SCAI: variants seen among roughly 807,000 people sequenced by gnomAD.
SCAI encodes suppressor of cancer cell invasion.
In SCAI, 24 loss-of-function variants were observed where a neutral mutation model predicts 92.2. That is an observed-to-expected ratio of 0.26 (90% confidence interval 0.19 to 0.37). The LOEUF is 0.37. SCAI is among the 10% of genes least tolerant of loss of function. SCAI has a pLI of 1.00. For synonymous variants in SCAI, 261 were observed against 258.6 expected (o/e 1.01, Z -0.09); for missense variants, 450 against 736.2 (o/e 0.61, Z 4.50).
chr9:124,979,426 G>C (rs1230838304), intron 14 of SCAI, among the ~76,000 whole-genome samples: 2 of 151,790 alleles, frequency 1.3e-5, no homozygotes, highest in Non-Finnish European at 2.9e-5. Context: ...TGTAATCCCA[G>C]CTACTAGGTA....
rs10554292 is a variant in SCAI, at chr9:125,125,909, T to TACACACACACACAC, written c.98+16710_98+16723dup. On this transcript the variant is annotated intron_variant, in intron 2 of 17. Coordinates refer to ENST00000336505, the MANE Select transcript of SCAI (RefSeq NM_001144877.3). The stretch of plus-strand genomic sequence containing the variant: ...TCTCTCATGCATGCGTGCGTACACG[T>TACACACACACACAC]ACACACACACACACACACACACACA... 9.0e-3 allele frequency among the ~76,000 whole-genome samples: 1,246 copies of TACACACACACACAC among 137,960 alleles called. 10 individuals are homozygous for TACACACACACACAC. The highest frequency in any genetic ancestry group is 0.019 in the African/African-American group (691 of 36,754). 90.5% of individuals were successfully genotyped at this position (137,960 alleles called of 152,430 possible). A position where few individuals can be genotyped will look rare whatever the true frequency, so the allele number is the denominator to read the frequency against.
At chr9:125,120,644 G>C (rs947610745) in intron 2 of SCAI, among the ~76,000 whole-genome samples, 1 of 152,122 alleles carries the variant, frequency 6.6e-6, no homozygotes, top group Admixed American at 6.6e-5. Flanking sequence ...AGTGAACTGA[G>C]ATCGCACCAC....
chr9:125,142,482 C>A, intron 2 of SCAI, 151 bp downstream of exon 2: 1 of 600,270 alleles, frequency 1.7e-6, no homozygotes, highest in Non-Finnish European at 2.9e-6. Flanking sequence ...TTGAAGTCCT[C>A]AAAAGAAAAA....
At chr9:124,965,575 C>T (rs577574881) in intron 17 of SCAI, among the ~76,000 whole-genome samples, 4 of 152,284 alleles carry the variant, frequency 2.6e-5, no homozygotes, top group East Asian at 1.9e-4. Flanking sequence ...TACATAAACG[C>T]TACATTTTCA....
chr9:125,064,727 C>T (rs1833842417), intron 2 of SCAI, among the ~76,000 whole-genome samples: 1 of 151,784 alleles, frequency 6.6e-6, no homozygotes, highest in Non-Finnish European at 1.5e-5. Flanking sequence ...GTGCCTGTAA[C>T]CCCAGCTACT....
At chr9:125,089,083 C>A (rs1834378531) in intron 2 of SCAI, among the ~76,000 whole-genome samples, 1 of 152,156 alleles carries the variant, frequency 6.6e-6, no homozygotes, top group African/African-American at 2.4e-5. Context: ...CATTCCCAAC[C>A]CTACAAAACA....
chr9:124,960,344 T>G (rs1385681224), intron 17 of SCAI, among the ~76,000 whole-genome samples: 1 of 152,176 alleles, frequency 6.6e-6, no homozygotes, highest in Non-Finnish European at 1.5e-5. Flanking sequence ...ACGCCCCAGC[T>G]TTGGCCTCCT....
intron 3 of SCAI, among the ~76,000 whole-genome samples, chr9:125,049,136 A>G (rs1318165849): frequency 7.1e-6 from 1 of 141,020 alleles, no homozygotes. Flanking sequence ...AAAAATATAC[A>G]TATACACACA....
intron 2 of SCAI, among the ~76,000 whole-genome samples, chr9:125,103,563 C>G (rs1834719970): frequency 6.6e-6 from 1 of 152,216 alleles, no homozygotes; most frequent in Non-Finnish European, 1.5e-5. Flanking sequence ...TGCCCCTCAA[C>G]AAGCGGTCCT....
At chr9:125,089,731 G>T (rs902504171) in intron 2 of SCAI, among the ~76,000 whole-genome samples, 1 of 151,980 alleles carries the variant, frequency 6.6e-6, no homozygotes, top group Non-Finnish European at 1.5e-5. Flanking sequence ...GAAAGACAGG[G>T]TCTCACTCTG....
At chr9:125,066,173 C>T (rs2131153657) in intron 2 of SCAI, 1 of 540,440 alleles carries the variant, frequency 1.9e-6, no homozygotes, top group South Asian at 2.9e-5. Flanking sequence ...TCAGAATTAA[C>T]CAGTGGGTTT....
Position 124,948,293 on chromosome 9 carries a change from C to T in SCAI, c.*4514G>A, listed in dbSNP as rs916294661. On this transcript the variant is annotated 3_prime_UTR_variant, in exon 18 of 18. Coordinates refer to ENST00000336505, the MANE Select transcript of SCAI (RefSeq NM_001144877.3). ...GCACTTTGCTTCTGAAATCCTGAAA[C>T]GTTTCAATTTGGTAAAAATAAAGAG... 9 of 152,082 alleles carry T rather than the reference C, an allele frequency of 5.9e-5. No individual in the cohort carries two copies. Among genetic ancestry groups the T allele is most frequent in the Admixed American group, 2.0e-4 (3 of 15,264 alleles). 9.4% of individuals were successfully genotyped at this position (152,082 alleles called of 1,614,324 possible). A position where few individuals can be genotyped will look rare whatever the true frequency, so the allele number is the denominator to read the frequency against.
chr9:125,040,588 T>A (rs1156750707), intron 3 of SCAI, among the ~76,000 whole-genome samples: 1 of 152,126 alleles, frequency 6.6e-6, no homozygotes, highest in African/African-American at 2.4e-5. Context: ...ATCTTCCTGA[T>A]GAACATTTAT....
chr9:125,098,072 T>A (rs1258790039), intron 2 of SCAI, among the ~76,000 whole-genome samples: 1 of 151,796 alleles, frequency 6.6e-6, no homozygotes, highest in Non-Finnish European at 1.5e-5. Flanking sequence ...TATATATATA[T>A]GAGACAGGGT....
chr9:125,039,340 T>G (rs1349062486), intron 3 of SCAI, among the ~76,000 whole-genome samples: 1 of 132,518 alleles, frequency 7.5e-6, no homozygotes, highest in Admixed American at 9.0e-5. Flanking sequence ...TGAACCAAGA[T>G]CACGCCACTG....
chr9:125,111,563 T>A (rs925881682), intron 2 of SCAI, among the ~76,000 whole-genome samples: 1 of 152,200 alleles, frequency 6.6e-6, no homozygotes, highest in Non-Finnish European at 1.5e-5. Flanking sequence ...GTGAAAATTT[T>A]TTTTTTTTTT....
At position 124,945,467 on chromosome 9, in the gene SCAI, A is replaced by C. The variant is rs1413846548; in HGVS notation, c.*7340T>G. The C allele has an allele frequency of 6.6e-6, 1 of 152,214 alleles. No homozygotes were observed. Among genetic ancestry groups the C allele is most frequent in the Non-Finnish European group, 1.5e-5 (1 of 68,106 alleles). The allele number at this position is 152,214 out of a possible 1,614,324, so 9.4% of individuals were successfully genotyped here. On this transcript the variant is annotated 3_prime_UTR_variant, in exon 18 of 18. Coordinates refer to ENST00000336505, the MANE Select transcript of SCAI (RefSeq NM_001144877.3). ...CTACTTGGGAGGCTGAGGCAGGAGA[A>C]TCTCTTGAACCCAGGAGGCGGAGGT...
chr9:125,115,364 TCTC>T (rs1835020165), intron 2 of SCAI, among the ~76,000 whole-genome samples: 1 of 95,782 alleles, frequency 1.0e-5, no homozygotes, highest in Admixed American at 1.5e-4. Context: ...AGAGCGAGAC[TCTC>T]CTCAAAAAAA....
chr9:125,073,471 C>T (rs1474492054), intron 2 of SCAI, among the ~76,000 whole-genome samples: 2 of 152,136 alleles, frequency 1.3e-5, no homozygotes, highest in African/African-American at 4.8e-5. Context: ...TATAGTCCCA[C>T]CAACAATGCA....
Sources: allele counts gnomAD v4.1 joint callset (sites outside exome capture counted in the v4.1 genomes callset), GRCh38; gene constraint gnomAD v4.1.1; transcripts MANE v1.5; gene names NCBI Gene and HGNC (gene_info 2026-07-23, HGNC 2026-07-21).